LRP12: variants seen among roughly 807,000 people sequenced by gnomAD.
LRP12 encodes the protein low-density lipoprotein receptor-related protein 12.
Under a neutral mutation model 66.0 loss-of-function variants are expected in LRP12, and 14 were observed. The observed-to-expected ratio is 0.21, with a 90% CI of 0.14 to 0.33. LRP12 has a LOEUF of 0.33. LRP12 is among the 10% of genes least tolerant of loss of function. The pLI is 1.00. For missense variants in LRP12, 889 were observed against 1,053.4 expected, an observed-to-expected ratio of 0.84 and a Z score of 2.16; for synonymous variants, 357 against 359.1, an observed-to-expected ratio of 0.99 and a Z score of 0.07.
intron 1 of LRP12, among the ~76,000 whole-genome samples, chr8:104,570,833 A>C (rs1404127318): frequency 6.6e-6 from 1 of 152,210 alleles, no homozygotes; most frequent in Non-Finnish European, 1.5e-5. Flanking sequence ...AAAAAAGACA[A>C]GCTACAGATT....
At chr8:104,540,935 T>C (rs1811466705) in intron 1 of LRP12, among the ~76,000 whole-genome samples, 2 of 152,138 alleles carry the variant, frequency 1.3e-5, no homozygotes, top group Non-Finnish European at 2.9e-5. Context: ...GGTTTCACCA[T>C]GTTGGCCAGG....
chr8:104,504,907 C>T (rs1810883108), intron 3 of LRP12: 1 of 152,076 alleles, frequency 6.6e-6, no homozygotes, highest in African/African-American at 2.4e-5. Context: ...GTAGAATACC[C>T]CAATTGTTAC....
intron 2 of LRP12, among the ~76,000 whole-genome samples, chr8:104,527,252 A>G (rs1811252922): frequency 1.4e-5 from 2 of 142,884 alleles, no homozygotes; most frequent in South Asian, 4.4e-4. Context: ...AACTAGTTCA[A>G]CCATGGTGGA....
At chr8:104,502,051 A>G (rs958814455) in intron 3 of LRP12, among the ~76,000 whole-genome samples, 1 of 152,210 alleles carries the variant, frequency 6.6e-6, no homozygotes, top group Non-Finnish European at 1.5e-5. Context: ...AACATAGAAG[A>G]TACTAATTTT....
At chr8:104,523,318 A>T (rs532620817) in intron 2 of LRP12, among the ~76,000 whole-genome samples, 1 of 152,224 alleles carries the variant, frequency 6.6e-6, no homozygotes, top group African/African-American at 2.4e-5. Context: ...ATTTACTACC[A>T]TAAAAAATAC....
At chr8:104,551,710 G>C (rs1811727721) in intron 1 of LRP12, among the ~76,000 whole-genome samples, 1 of 152,168 alleles carries the variant, frequency 6.6e-6, no homozygotes, top group South Asian at 2.1e-4. Context: ...TGGCTGTGTA[G>C]TATTCCATAT....
chr8:104,536,753 T>A (rs1554709062), intron 1 of LRP12, among the ~76,000 whole-genome samples: 5 of 150,936 alleles, frequency 3.3e-5, no homozygotes, highest in Non-Finnish European at 3.0e-5. Context: ...AGAATTGTTT[T>A]AAAAAAAAAG....
At chr8:104,517,997 A>G (rs917102006) in intron 2 of LRP12, among the ~76,000 whole-genome samples, 1 of 152,164 alleles carries the variant, frequency 6.6e-6, no homozygotes, top group Non-Finnish European at 1.5e-5. Context: ...TGGAAAAAGC[A>G]GAGTATGTAG....
chr8:104,508,065 T>A (rs181650540), intron 3 of LRP12: 2 of 152,338 alleles, frequency 1.3e-5, no homozygotes, highest in Non-Finnish European at 2.9e-5. Context: ...ATGTTACACA[T>A]GAAAACATGT....
intron 1 of LRP12, among the ~76,000 whole-genome samples, chr8:104,559,670 T>C (rs1380629711): frequency 6.6e-6 from 1 of 152,102 alleles, no homozygotes; most frequent in Non-Finnish European, 1.5e-5. Context: ...CTTAACAATA[T>C]TGTACATGCC....
At position 104,548,636 on chromosome 8, in the gene LRP12, A is replaced by AATTAAATTAATTATATAATTATTATATG. The variant is rs1564142519; in HGVS notation, c.80-16674_80-16673insCATATAATAATTATATAATTAATTTAAT. Among the ~76,000 whole-genome samples, 61 of 143,790 alleles carry AATTAAATTAATTATATAATTATTATATG rather than the reference A, an allele frequency of 4.2e-4. 2 individuals carry two copies. In the East Asian group the frequency reaches 0.011, roughly 26 times the overall value. The allele number at this position is 143,790 out of a possible 152,430, so 94.3% of individuals were successfully genotyped here. On this transcript the variant is annotated intron_variant, in intron 1 of 6. Transcript: ENST00000276654. ...TAAATTAATTATATAATTATTATAT[A>AATTAAATTAATTATATAATTATTATATG]ATTAAATTAATTATATAATTATTAT...
chr8:104,494,525 A>T (rs1448838035), intron 6 of LRP12, among the ~76,000 whole-genome samples: 1 of 152,186 alleles, frequency 6.6e-6, no homozygotes, highest in Non-Finnish European at 1.5e-5. Context: ...TAAAATGAAC[A>T]CTGGCACATT....
At chr8:104,553,393 C>A (rs913472992) in intron 1 of LRP12, among the ~76,000 whole-genome samples, 1 of 152,162 alleles carries the variant, frequency 6.6e-6, no homozygotes, top group East Asian at 1.9e-4. Flanking sequence ...AAACTTGGTG[C>A]TGTTGGAGAA....
intron 3 of LRP12, chr8:104,505,915 T>C (rs1027196095): frequency 1.3e-5 from 2 of 152,186 alleles, no homozygotes; most frequent in Non-Finnish European, 2.9e-5. Flanking sequence ...AGCTTTATTT[T>C]CACTAACCTT....
At chr8:104,564,129 T>C (rs1292262622) in intron 1 of LRP12, among the ~76,000 whole-genome samples, 1 of 142,022 alleles carries the variant, frequency 7.0e-6, no homozygotes, top group Non-Finnish European at 1.6e-5. Context: ...GATCAAGTCA[T>C]GATTTTTTTT....
intron 3 of LRP12, chr8:104,504,422 T>G (rs1810874641): frequency 6.6e-6 from 1 of 152,156 alleles, no homozygotes; most frequent in African/African-American, 2.4e-5. Flanking sequence ...ATTTTCTAAT[T>G]TTTAAATCAA....
At chr8:104,502,520 T>C (rs889167229) in intron 3 of LRP12, among the ~76,000 whole-genome samples, 4 of 152,316 alleles carry the variant, frequency 2.6e-5, no homozygotes, top group South Asian at 2.1e-4. Flanking sequence ...AACTGCATCC[T>C]GACACCTCAA....
intron 1 of LRP12, among the ~76,000 whole-genome samples, chr8:104,548,143 A>AAT (rs1564141753): frequency 7.8e-5 from 7 of 89,246 alleles, no homozygotes; most frequent in African/African-American, 3.4e-4. Flanking sequence ...AATTATAATT[A>AAT]TATTATATAT....
At chr8:104,552,182 C>T (rs1256807234) in intron 1 of LRP12, among the ~76,000 whole-genome samples, 1 of 152,138 alleles carries the variant, frequency 6.6e-6, no homozygotes, top group East Asian at 1.9e-4. Flanking sequence ...AAATATTTTA[C>T]ATTTTGAGCA....
Sources: gnomAD v4.1 joint callset for allele counts (sites outside exome capture counted in the v4.1 genomes callset) on GRCh38, gnomAD v4.1.1 for gene constraint, MANE v1.5 for transcripts, NCBI Gene and HGNC (gene_info 2026-07-23, HGNC 2026-07-21) for gene names.